SRGAP1: variants seen among roughly 807,000 people sequenced by gnomAD.
The protein encoded by SRGAP1 is SLIT-ROBO Rho GTPase-activating protein 1.
In SRGAP1, 43 loss-of-function variants were observed where a neutral mutation model predicts 121.9. That is an observed-to-expected ratio of 0.35 (90% confidence interval 0.28 to 0.46). The LOEUF is 0.46. Among genes scored for constraint, SRGAP1 ranks in the 20% least tolerant of loss-of-function variants. The pLI is 1.00. For missense variants in SRGAP1, 1,102 were observed against 1,350.9 expected (o/e 0.82, Z 2.89); for synonymous variants, 447 against 485.4 (o/e 0.92, Z 1.04).
At chr12:64,088,295 C>T (rs1333605974) in intron 11 of SRGAP1, among the ~76,000 whole-genome samples, 1 of 152,200 alleles carries the variant, frequency 6.6e-6, no homozygotes, top group Non-Finnish European at 1.5e-5. Context: ...TGGTAATATG[C>T]AGCTTATAGA....
intron 1 of SRGAP1, among the ~76,000 whole-genome samples, chr12:63,871,559 C>G (rs1353676060): frequency 2.0e-5 from 3 of 152,152 alleles, no homozygotes; most frequent in Non-Finnish European, 2.9e-5. Flanking sequence ...ACACCTGACT[C>G]TAGAACAACC....
chr12:63,934,463 C>G (rs933860505), intron 1 of SRGAP1, among the ~76,000 whole-genome samples: 2 of 152,184 alleles, frequency 1.3e-5, no homozygotes, highest in African/African-American at 4.8e-5. Context: ...AATATCCTGG[C>G]ACATCAGAGT....
chr12:64,077,815 T>C (rs1294690129), intron 8 of SRGAP1, among the ~76,000 whole-genome samples: 2 of 152,090 alleles, frequency 1.3e-5, no homozygotes, highest in Non-Finnish European at 2.9e-5. Context: ...TGGACACTAT[T>C]GAAAGAGGGA....
intron 1 of SRGAP1, among the ~76,000 whole-genome samples, chr12:63,890,801 C>G (rs1047099273): frequency 6.6e-6 from 1 of 152,076 alleles, no homozygotes; most frequent in Non-Finnish European, 1.5e-5. Context: ...CTTTCCTGTC[C>G]TTTTGCACTG....
At chr12:63,880,901 T>C (rs1008922788) in intron 1 of SRGAP1, among the ~76,000 whole-genome samples, 2 of 152,160 alleles carry the variant, frequency 1.3e-5, no homozygotes, top group Non-Finnish European at 2.9e-5. Context: ...GGATGATGTG[T>C]TCCAGGCGTC....
In SRGAP1 at chr12:63,897,163, T is replaced by C. The variant is rs1456485569; in HGVS notation, c.67+52280T>C. ...ACATTTTGTGATGCAAATGGAACCA[T>C]TGAATGTCCATTTTGTTAGATTTTC... On this transcript the variant is annotated intron_variant, in intron 1 of 21. Coordinates refer to ENST00000355086, the MANE Select transcript of SRGAP1 (RefSeq NM_020762.4). Among the ~76,000 whole-genome samples, 9 of 152,226 alleles carry C rather than the reference T, an allele frequency of 5.9e-5. No homozygotes were observed. The East Asian group carries it at 9.6e-4, about 16-fold the overall frequency.
At chr12:63,956,601 T>A (rs1026349812) in intron 1 of SRGAP1, among the ~76,000 whole-genome samples, 23 of 152,088 alleles carry the variant, frequency 1.5e-4, no homozygotes, top group African/African-American at 5.3e-4. Context: ...GAAAAACTTT[T>A]AAATATTATC....
At position 63,844,897 on chromosome 12, in the gene SRGAP1, C is replaced by T. The variant is rs1898846449; in HGVS notation, c.67+14C>T. 6.2e-7 allele frequency: 1 copy of T among 1,612,820 alleles called. No individual in the cohort carries two copies. On this transcript the variant is annotated intron_variant, in intron 1 of 21. Coordinates refer to ENST00000355086, the MANE Select transcript of SRGAP1 (RefSeq NM_020762.4). The surrounding 1 kb of genome is among the most constrained non-coding windows in gnomAD (Gnocchi z 4.3). ...GTCAAGTCAAAGGTAAGGATGGGAG[C>T]GGCTGCCTTGCTCCTTTTGTGTGCC...
chr12:64,071,994 C>A (rs76914063), intron 8 of SRGAP1, among the ~76,000 whole-genome samples: 4,143 of 151,780 alleles, frequency 0.027, 191 homozygotes, highest in African/African-American at 0.095. Context: ...GTACAAGGAG[C>A]AAGAGAAGGC....
At chr12:63,904,007 T>G (rs1178891440) in intron 1 of SRGAP1, among the ~76,000 whole-genome samples, 1 of 152,136 alleles carries the variant, frequency 6.6e-6, no homozygotes, top group African/African-American at 2.4e-5. Flanking sequence ...GAATAACAGT[T>G]AAAAAATAAA....
intron 1 of SRGAP1, among the ~76,000 whole-genome samples, chr12:63,895,941 T>A (rs770890348): frequency 6.6e-6 from 1 of 152,180 alleles, no homozygotes; most frequent in Non-Finnish European, 1.5e-5. Flanking sequence ...CAACAAAACA[T>A]TGCCTTCTGC....
intron 17 of SRGAP1, 57 bp from the exon 18 acceptor site, chr12:64,115,757 T>C: frequency 1.4e-6 from 2 of 1,434,170 alleles, no homozygotes; most frequent in Non-Finnish European, 9.6e-7. Flanking sequence ...CAAGAACCTG[T>C]CTCAAAAAAT....
chr12:64,010,652 C>T (rs571491998), intron 3 of SRGAP1, among the ~76,000 whole-genome samples: 26 of 152,162 alleles, frequency 1.7e-4, no homozygotes, highest in African/African-American at 6.3e-4. Flanking sequence ...GATGTGGTCC[C>T]TGCTCTCAAA....
rs1228454225 is a variant in SRGAP1 at position 63,942,224 on chromosome 12, C to G, written c.68-41723C>G. Among the ~76,000 whole-genome samples, 6 of 152,092 alleles carry G rather than the reference C, an allele frequency of 3.9e-5. No individual in the cohort carries two copies. The South Asian group carries it at 1.0e-3, about 26-fold the overall frequency. ...AGTCCTCAACATGGTCATTTATACT[C>G]TAAGAAAAATACTTTATTGTAGTTC... On this transcript the variant is annotated intron_variant, in intron 1 of 21. Coordinates refer to ENST00000355086, the MANE Select transcript of SRGAP1 (RefSeq NM_020762.4).
chr12:64,036,998 C>T (rs979844202), intron 4 of SRGAP1, among the ~76,000 whole-genome samples: 2 of 152,176 alleles, frequency 1.3e-5, no homozygotes, highest in Non-Finnish European at 2.9e-5. Flanking sequence ...GCTGAAGACT[C>T]TGAATGAAGA....
intron 1 of SRGAP1, among the ~76,000 whole-genome samples, chr12:63,949,528 C>T (rs549089494): frequency 7.9e-5 from 12 of 150,982 alleles, no homozygotes; most frequent in African/African-American, 2.4e-4. Context: ...CCCGGGTTTG[C>T]GCCATTCTCC....
chr12:64,153,472 CAA>C lies in SRGAP1; in HGVS notation c.*10815_*10816del, dbSNP rs35631189. 3.2e-4 allele frequency: 28 copies of C among 86,788 alleles called. No homozygotes were observed. The highest frequency in any genetic ancestry group is 3.0e-3 in the South Asian group (9 of 2,962). The allele number at this position is 86,788 out of a possible 1,614,324, so 5.4% of individuals were successfully genotyped here. ...TGGGCGGCACAGTGAGACTCCATCT[CAA>C]AAAAAAAAAAAAAAGTAAGGTACTT... On this transcript the variant is annotated 3_prime_UTR_variant, in exon 22 of 22. Coordinates refer to ENST00000355086, the MANE Select transcript of SRGAP1 (RefSeq NM_020762.4).
chr12:64,016,342 T>C (rs915541282), intron 3 of SRGAP1, among the ~76,000 whole-genome samples: 1 of 151,934 alleles, frequency 6.6e-6, no homozygotes, highest in Non-Finnish European at 1.5e-5. Flanking sequence ...TAAAAACTAG[T>C]TGGGTTTGGT....
At chr12:63,948,487 C>T (rs539919415) in intron 1 of SRGAP1, among the ~76,000 whole-genome samples, 2 of 152,286 alleles carry the variant, frequency 1.3e-5, no homozygotes, top group South Asian at 4.1e-4. Context: ...CTTGGGATAT[C>T]CCATTCCTAC....
Sources: gnomAD v4.1 joint callset for allele counts (sites outside exome capture counted in the v4.1 genomes callset) on GRCh38, gnomAD v4.1.1 for gene constraint, Gnocchi (gnomAD v3.1) non-coding constraint, MANE v1.5 for transcripts, NCBI Gene and HGNC (gene_info 2026-07-23, HGNC 2026-07-21) for gene names.